ATRNL1: variants seen among roughly 807,000 people sequenced by gnomAD.
ATRNL1 encodes the protein attractin-like protein 1.
Under a neutral mutation model 182.7 loss-of-function variants are expected in ATRNL1, and 95 were observed. The observed-to-expected ratio is 0.52, with a 90% CI of 0.44 to 0.62. ATRNL1 has a LOEUF of 0.62. Ranked by LOEUF, ATRNL1 falls within the 20% of genes least tolerant of loss-of-function variation. ATRNL1 has a pLI of 0.00. For synonymous variants in ATRNL1, 576 were observed against 568.3 expected (o/e 1.01, Z -0.19); for missense variants, 1,471 against 1,679.5 (o/e 0.88, Z 2.17).
chr10:115,112,160 C>T lies in ATRNL1; in HGVS notation c.294-8025C>T, dbSNP rs147022426. On this transcript the variant is annotated intron_variant, in intron 1 of 28. Coordinates refer to ENST00000355044, the MANE Select transcript of ATRNL1 (RefSeq NM_207303.4). ...TTAATGAAAGAAATTGAAGGTGACA[C>T]AAGTAAATGGAAAGATACTTTGTGT... Among the ~76,000 whole-genome samples the T allele has an allele frequency of 2.3e-3, 345 of 152,060 alleles. 5 individuals carry two copies. The highest frequency in any genetic ancestry group is 0.017 in the Admixed American group (261 of 15,278).
chr10:115,741,566 A>G (rs1948140324), intron 27 of ATRNL1, among the ~76,000 whole-genome samples: 1 of 152,192 alleles, frequency 6.6e-6, no homozygotes, highest in Non-Finnish European at 1.5e-5. Flanking sequence ...GAAGAGTTTT[A>G]TGATTAATTT....
chr10:115,622,496 G>C (rs1565221969), intron 26 of ATRNL1, among the ~76,000 whole-genome samples: 2 of 152,124 alleles, frequency 1.3e-5, no homozygotes, highest in Admixed American at 1.3e-4. Context: ...GAGGGTCCTC[G>C]CTTCTTAACC....
intron 28 of ATRNL1, among the ~76,000 whole-genome samples, chr10:115,934,015 G>A (rs1356519241): frequency 2.0e-5 from 3 of 152,228 alleles, no homozygotes; most frequent in South Asian, 2.1e-4. Flanking sequence ...ACTTGCTAAT[G>A]GCATGGGAAC....
intron 20 of ATRNL1, among the ~76,000 whole-genome samples, chr10:115,417,735 C>G (rs1845461689): frequency 6.6e-6 from 1 of 152,156 alleles, no homozygotes; most frequent in East Asian, 1.9e-4. Context: ...TCCTGGCCAG[C>G]TTTCCCACAC....
intron 24 of ATRNL1, among the ~76,000 whole-genome samples, chr10:115,476,780 T>A (rs1213203199): frequency 1.3e-5 from 2 of 151,418 alleles, no homozygotes; most frequent in Admixed American, 6.6e-5. Flanking sequence ...TTTTAACTCT[T>A]GCTTAGCTTT....
intron 13 of ATRNL1, among the ~76,000 whole-genome samples, chr10:115,277,771 A>G (rs1852169290): frequency 6.6e-6 from 1 of 152,170 alleles, no homozygotes; most frequent in South Asian, 2.1e-4. Context: ...AGGAACCACC[A>G]TCAAAGTTTC....
At chr10:115,646,618 TTTTC>T (rs1346014062) in intron 26 of ATRNL1, among the ~76,000 whole-genome samples, 3 of 140,686 alleles carry the variant, frequency 2.1e-5, no homozygotes, top group African/African-American at 7.6e-5. Context: ...GGTCTTTTTC[TTTTC>T]TTTTTTTCTT....
At chr10:115,537,609 C>T (rs188855824) in intron 25 of ATRNL1, among the ~76,000 whole-genome samples, 75 of 152,202 alleles carry the variant, frequency 4.9e-4, no homozygotes, top group African/African-American at 1.3e-3. Context: ...TATGAGTATT[C>T]TCATACTTAA....
intron 26 of ATRNL1, among the ~76,000 whole-genome samples, chr10:115,703,248 C>T (rs1946795076): frequency 6.6e-6 from 1 of 151,976 alleles, no homozygotes; most frequent in Non-Finnish European, 1.5e-5. Context: ...TCACCATATA[C>T]AAAAATTAAT....
At chr10:115,331,741 G>T (rs1855234028) in intron 18 of ATRNL1, among the ~76,000 whole-genome samples, 1 of 152,028 alleles carries the variant, frequency 6.6e-6, no homozygotes, top group South Asian at 2.1e-4. Context: ...GACATATTCT[G>T]AGCATACTGA....
chr10:115,872,073 A>G (rs561768823), intron 28 of ATRNL1, among the ~76,000 whole-genome samples: 1 of 152,300 alleles, frequency 6.6e-6, no homozygotes, highest in African/African-American at 2.4e-5. Flanking sequence ...AGACTTATTG[A>G]GTTACAGTGC....
At chr10:115,704,927 G>A (rs1358741007) in intron 26 of ATRNL1, among the ~76,000 whole-genome samples, 1 of 149,062 alleles carries the variant, frequency 6.7e-6, no homozygotes, top group Non-Finnish European at 1.5e-5. Context: ...TCTTCTCCTA[G>A]TTAACTCCTT....
intron 27 of ATRNL1, among the ~76,000 whole-genome samples, chr10:115,746,824 G>A (rs1157665129): frequency 3.9e-5 from 6 of 152,078 alleles, no homozygotes; most frequent in Non-Finnish European, 8.8e-5. Flanking sequence ...TCAAATGTGA[G>A]AAATGATAAC....
chr10:115,326,112 G>A (rs1156549271), intron 18 of ATRNL1, among the ~76,000 whole-genome samples: 4 of 152,098 alleles, frequency 2.6e-5, no homozygotes, highest in African/African-American at 7.2e-5. Context: ...GGAAATAAAC[G>A]GTGTTCAATT....
chr10:115,558,971 C>G (rs146161646), intron 26 of ATRNL1, among the ~76,000 whole-genome samples: 2 of 152,240 alleles, frequency 1.3e-5, no homozygotes, highest in East Asian at 3.9e-4. Context: ...CTCTCTTCTT[C>G]TAATGAGCCC....
At chr10:115,541,268 A>T (rs1201811147) in intron 25 of ATRNL1, among the ~76,000 whole-genome samples, 4 of 151,916 alleles carry the variant, frequency 2.6e-5, no homozygotes, top group Non-Finnish European at 5.9e-5. Flanking sequence ...CATACACTTC[A>T]CAAAAGAAGA....
At chr10:115,599,529 AT>A (rs35656576) in intron 26 of ATRNL1, among the ~76,000 whole-genome samples, 74,961 of 151,808 alleles carry the variant, frequency 0.49, 19,433 homozygotes, top group African/African-American at 0.6. Flanking sequence ...GTAAACCCGG[AT>A]TTTTTTTGTT....
intron 19 of ATRNL1, among the ~76,000 whole-genome samples, chr10:115,343,375 A>T (rs782751487): frequency 6.6e-6 from 1 of 151,952 alleles, no homozygotes; most frequent in Non-Finnish European, 1.5e-5. Context: ...TAAGCTCACT[A>T]ATTTTTTCTT....
chr10:115,874,940 C>A (rs1479295919), intron 28 of ATRNL1, among the ~76,000 whole-genome samples: 1 of 152,140 alleles, frequency 6.6e-6, no homozygotes, highest in African/African-American at 2.4e-5. Flanking sequence ...AGGACATTTA[C>A]TTTTCTGGAG....
Sources: gnomAD v4.1 joint callset for allele counts (sites outside exome capture counted in the v4.1 genomes callset) on GRCh38, gnomAD v4.1.1 for gene constraint, MANE v1.5 for transcripts, NCBI Gene and HGNC (gene_info 2026-07-23, HGNC 2026-07-21) for gene names.